Variants in DUX4 observed in about 807,000 individuals in gnomAD.
DUX4 encodes the protein double homeobox 4.
chr4:190,180,008 AC>A (rs1742524819), downstream of DUX4, among the ~76,000 whole-genome samples: 6 of 142,768 alleles, frequency 4.2e-5, no homozygotes, highest in Admixed American at 7.1e-5. Context: ...CAGAGCTTAA[AC>A]TAGAGTTACA....
Position 190,175,741 on chromosome 4 carries a change from C to G in DUX4, c.*331C>G, listed in dbSNP as rs1274119474. The G allele has an allele frequency of 1.2e-5, 2 of 162,354 alleles. 1 individual carries two copies. Among genetic ancestry groups the G allele is most frequent in the Non-Finnish European group, 2.4e-5 (2 of 84,786 alleles). The allele number at this position is 162,354 out of a possible 1,614,324, so 10.1% of individuals were successfully genotyped here. ...CCGTGAAATTCTGGCTGAATGTCTC[C>G]CCCCACCTTCCGACGCTGTCTAGGC... On this transcript the variant is annotated 3_prime_UTR_variant, in exon 2 of 2. Transcript: ENST00000565211.
intron 1 of DUX4, among the ~76,000 whole-genome samples, chr4:190,181,227 A>AG (rs1742553491): frequency 3.5e-5 from 5 of 141,422 alleles, no homozygotes; most frequent in Admixed American, 7.2e-5. Flanking sequence ...CATTGCCCCC[A>AG]TAGGCAAATC....
downstream of DUX4, among the ~76,000 whole-genome samples, chr4:190,178,136 A>T: frequency 6.6e-6 from 1 of 152,180 alleles, no homozygotes; most frequent in African/African-American, 2.4e-5. Context: ...GTACAGAGTG[A>T]TGTCACAACG....
In DUX4 at chr4:190,183,231, T is replaced by C. The variant is rs1181616166; in HGVS notation, n.93-2110T>C. On this transcript the variant is annotated intron_variant and non_coding_transcript_variant, in intron 1 of 2. Coordinates refer to the DUX4 transcript ENST00000563716. ...ATTTATATTACACTATTACTTAATA[T>C]ATAGGCTATTAAGACATGTTTGTCT... 2 of 105,680 alleles carry C rather than the reference T, an allele frequency of 1.9e-5. 1 individual carries two copies. Among genetic ancestry groups the C allele is most frequent in the Non-Finnish European group, 4.4e-5 (2 of 45,410 alleles). The allele number at this position is 105,680 out of a possible 1,614,324, so 6.5% of individuals were successfully genotyped here.
chr4:190,179,580 G>GTAGGCAGAGC (rs1579835713), downstream of DUX4, among the ~76,000 whole-genome samples: 1 of 152,000 alleles, frequency 6.6e-6, no homozygotes, highest in Non-Finnish European at 1.5e-5. Context: ...ATGTCACAAT[G>GTAGGCAGAGC]CTGTGTAGCC....
At chr4:190,182,208 T>TGAGGGTGAGGGTG (rs1742605726) in intron 1 of DUX4, 2 of 110,370 alleles carry the variant, frequency 1.8e-5, no homozygotes, top group Non-Finnish European at 4.2e-5. Context: ...GGGTGAGGGT[T>TGAGGGTGAGGGTG]AGGGTGAGGG....
downstream of DUX4, among the ~76,000 whole-genome samples, chr4:190,177,451 A>ACTTCCCCTG (rs1742368276): frequency 6.6e-6 from 1 of 150,790 alleles, no homozygotes; most frequent in Admixed American, 6.6e-5. Flanking sequence ...CAGTGCAAAG[A>ACTTCCCCTG]TATGTCACAA....
rs1290610393 is a variant in DUX4, at chr4:190,183,547, TAC to T, written n.93-1786_93-1785del. ...ATACAAATCACAACTCTCTTCTCAT[TAC>T]ACACACAACAAAATTTAGCTGAGGG... On this transcript the variant is annotated intron_variant and non_coding_transcript_variant, in intron 1 of 2. Transcript: ENST00000563716. Among the ~76,000 whole-genome samples, 796 of 104,726 alleles carry T rather than the reference TAC, an allele frequency of 7.6e-3. 20 individuals are homozygous for T. The highest frequency in any genetic ancestry group is 0.02 in the African/African-American group (747 of 36,560). The allele number at this position is 104,726 out of a possible 152,430, so 68.7% of individuals were successfully genotyped here. A position where few individuals can be genotyped will look rare whatever the true frequency, so the allele number is the denominator to read the frequency against.
chr4:190,178,009 G>A (rs1742398893), downstream of DUX4, among the ~76,000 whole-genome samples: 1,077 of 100,306 alleles, frequency 0.011, no homozygotes, highest in East Asian at 0.03. Context: ...ATGTCACAAT[G>A]CCCCCTGTAA....
rs1248059967 is a variant in DUX4 at position 190,175,251 on chromosome 4, C to A, written c.*203C>A. Reference sequence around the variant, plus strand: ...GAACTGCCTTTCTTTCCTGGGCATCCCGGGGATCCCAGAGCCGGCCCAGGT... The same window carrying A: ...GAACTGCCTTTCTTTCCTGGGCATCACGGGGATCCCAGAGCCGGCCCAGGT... On this transcript the variant is annotated 3_prime_UTR_variant, in exon 1 of 2. Transcript: ENST00000565211. 1.8e-4 allele frequency: 26 copies of A among 142,760 alleles called. No individual in the cohort carries two copies. The East Asian group carries it at 4.2e-3, about 23-fold the overall frequency. The allele number at this position is 142,760 out of a possible 1,614,324, so 8.8% of individuals were successfully genotyped here. A position where few individuals can be genotyped will look rare whatever the true frequency, so the allele number is the denominator to read the frequency against.
downstream of DUX4, among the ~76,000 whole-genome samples, chr4:190,177,414 A>T (rs2126568200): frequency 6.8e-6 from 1 of 146,370 alleles, no homozygotes; most frequent in African/African-American, 2.5e-5. Flanking sequence ...GGTCGAGTCT[A>T]GACAAGAGTT....
downstream of DUX4, among the ~76,000 whole-genome samples, chr4:190,178,683 A>AAATGTCACAAAGCTCCTTTAGGCCGAACT (rs1742443102): frequency 1.3e-5 from 2 of 148,672 alleles, no homozygotes; most frequent in African/African-American, 2.5e-5. Flanking sequence ...CAGTGCAGAG[A>AAATGTCACAAAGCTCCTTTAGGCCGAACT]TATGTCACAA....
At chr4:190,176,233 C>T (rs1242997315), downstream of DUX4, among the ~76,000 whole-genome samples, 4 of 111,708 alleles carry the variant, frequency 3.6e-5, 2 homozygotes. Flanking sequence ...TATCACAAAG[C>T]CCCCTGTAGA....
downstream of DUX4, among the ~76,000 whole-genome samples, chr4:190,176,060 A>G (rs1285119051): frequency 5.4e-5 from 6 of 111,970 alleles, 2 homozygotes; most frequent in African/African-American, 1.0e-4. Context: ...CAATTGTTAC[A>G]TCACCTAGTG....
downstream of DUX4, among the ~76,000 whole-genome samples, chr4:190,176,029 C>G (rs1361295787): frequency 9.0e-6 from 1 of 110,950 alleles, no homozygotes; most frequent in African/African-American, 2.6e-5. Flanking sequence ...TGTTAAAATT[C>G]TCGTGTAGAC....
chr4:190,179,795 A>AGCCCTGTGGACG (rs1213740323), downstream of DUX4, among the ~76,000 whole-genome samples: 1 of 146,496 alleles, frequency 6.8e-6, no homozygotes, highest in Non-Finnish European at 1.5e-5. Flanking sequence ...CCCTGTAGGC[A>AGCCCTGTGGACG]AGCCTACACA....
downstream of DUX4, among the ~76,000 whole-genome samples, chr4:190,179,799 CTA>C (rs1579836016): frequency 3.7e-4 from 13 of 35,520 alleles, no homozygotes; most frequent in Admixed American, 8.0e-4. Context: ...GTAGGCAAGC[CTA>C]CACAAGTATT....
At chr4:190,177,979 T>C (rs1742397404), downstream of DUX4, among the ~76,000 whole-genome samples, 7 of 150,830 alleles carry the variant, frequency 4.6e-5, no homozygotes, top group Admixed American at 2.0e-4. Context: ...TTACATCACC[T>C]GGGTGATCAG....
At chr4:190,179,812 A>T (rs1579836035), downstream of DUX4, among the ~76,000 whole-genome samples, 3 of 19,530 alleles carry the variant, frequency 1.5e-4, no homozygotes, top group Admixed American at 8.2e-4. Context: ...CACAAGTATT[A>T]CATCACTTAG....
Sources: gnomAD v4.1 joint callset for allele counts (sites outside exome capture counted in the v4.1 genomes callset) on GRCh38, gnomAD v4.1.1 for gene constraint, MANE v1.5 for transcripts, NCBI Gene and HGNC (gene_info 2026-07-23, HGNC 2026-07-21) for gene names.